SH3BGRL: variants seen among roughly 807,000 people sequenced by gnomAD.
The protein encoded by SH3BGRL is adapter SH3BGRL.
Under a neutral mutation model 9.8 loss-of-function variants are expected in SH3BGRL, and 7 were observed. That is an observed-to-expected ratio of 0.72 (90% CI 0.41 to 1.35). The LOEUF (loss-of-function observed/expected upper bound fraction) is 1.35, where lower values mean the gene tolerates loss of function less well. SH3BGRL is among the 40% of genes most tolerant of loss of function. The pLI is 0.01. For missense variants in SH3BGRL, 73 were observed against 84.4 expected (o/e 0.86, Z 0.53); for synonymous variants, 36 against 29.1 (o/e 1.24, Z -0.76).
intron 1 of SH3BGRL, chrX:81,202,558 C>A (rs1236604793): frequency 2.4e-6 from 2 of 845,755 alleles, no homozygotes; most frequent in Non-Finnish European, 2.9e-6. Flanking sequence ...TACGTGAAGT[C>A]AAGTAAAATC....
intron 1 of SH3BGRL, among the ~76,000 whole-genome samples, chrX:81,257,243 C>G (rs757885708): frequency 1.7e-4 from 19 of 111,848 alleles, no homozygotes; most frequent in Non-Finnish European, 3.4e-4. Context: ...TATTATGACT[C>G]TCAACTAATA....
intron 1 of SH3BGRL, among the ~76,000 whole-genome samples, chrX:81,250,402 G>A (rs1393775675): frequency 1.1e-4 from 4 of 37,791 alleles, no homozygotes; most frequent in Non-Finnish European, 2.6e-4. Flanking sequence ...GCGAGACTCC[G>A]TCTCAAAAAA....
intron 1 of SH3BGRL, among the ~76,000 whole-genome samples, chrX:81,249,642 C>T (rs1416674674): frequency 5.4e-5 from 6 of 112,015 alleles, no homozygotes; most frequent in Non-Finnish European, 1.1e-4. Flanking sequence ...TTTGTCTTCT[C>T]TTGTAGTCCC....
At position 81,230,083 on chromosome X, in the gene SH3BGRL, G is replaced by A. The variant is rs73634730; in HGVS notation, c.45+27838G>A. Among the ~76,000 whole-genome samples, 403 of 111,753 alleles carry A rather than the reference G, an allele frequency of 3.6e-3. 1 individual carries two copies. The highest frequency in any genetic ancestry group is 0.012 in the African/African-American group (369 of 30,744). On this transcript the variant is annotated intron_variant, in intron 1 of 3. Coordinates refer to ENST00000373212, the MANE Select transcript of SH3BGRL (RefSeq NM_003022.3). Reference sequence around the variant, plus strand: ...GGTCCCTTCATTTCTGTGAACCTCAGTGACCTCAACTCAAAAATGACTATA... The same window carrying A: ...GGTCCCTTCATTTCTGTGAACCTCAATGACCTCAACTCAAAAATGACTATA...
chrX:81,246,244 T>C (rs2075688273), intron 1 of SH3BGRL, among the ~76,000 whole-genome samples: 1 of 112,116 alleles, frequency 8.9e-6, no homozygotes, highest in Non-Finnish European at 1.9e-5. Flanking sequence ...TTTGTGAATA[T>C]TGTCTCACCT....
chrX:81,287,107 C>A (rs2075837397), intron 3 of SH3BGRL, among the ~76,000 whole-genome samples: 1 of 111,312 alleles, frequency 9.0e-6, no homozygotes, highest in African/African-American at 3.3e-5. Context: ...AAATAAACTT[C>A]TTTCCCTATA....
chrX:81,263,813 C>G lies in SH3BGRL; in HGVS notation c.46-13171C>G, dbSNP rs140121290. Among the ~76,000 whole-genome samples, 51 of 110,855 alleles carry G rather than the reference C, an allele frequency of 4.6e-4. No individual in the cohort carries two copies. In the East Asian group the frequency reaches 0.013, roughly 29 times the overall value. ...TAAAAAGAACAGAAAGGGTCTGATGCCTTTGCACTTTCTTGTCTGTTTTTT... is the reference window on the plus strand; with the variant it reads ...TAAAAAGAACAGAAAGGGTCTGATGGCTTTGCACTTTCTTGTCTGTTTTTT... On this transcript the variant is annotated intron_variant, in intron 1 of 3. Coordinates refer to ENST00000373212, the MANE Select transcript of SH3BGRL (RefSeq NM_003022.3).
intron 3 of SH3BGRL, among the ~76,000 whole-genome samples, chrX:81,289,157 C>T (rs2075847744): frequency 8.9e-6 from 1 of 111,987 alleles, no homozygotes; most frequent in Non-Finnish European, 1.9e-5. Context: ...ACAAAGGTGC[C>T]AAGAACATAC....
At chrX:81,279,746 C>T (rs1423085334) in intron 3 of SH3BGRL, among the ~76,000 whole-genome samples, 1 of 110,741 alleles carries the variant, frequency 9.0e-6, no homozygotes, top group East Asian at 2.9e-4. Context: ...GGGAGGGTGG[C>T]CAGAGGAGCA....
intron 1 of SH3BGRL, among the ~76,000 whole-genome samples, chrX:81,209,752 G>A (rs763398118): frequency 1.9e-4 from 21 of 112,351 alleles, no homozygotes; most frequent in African/African-American, 6.1e-4. Context: ...AGAGTGAGAT[G>A]AGAGTTGGCA....
chrX:81,247,606 A>G lies in SH3BGRL; in HGVS notation c.46-29378A>G, dbSNP rs534315285. 6.3e-5 allele frequency among the ~76,000 whole-genome samples: 7 copies of G among 111,709 alleles called. No homozygotes were observed. The South Asian group carries it at 2.6e-3, about 42-fold the overall frequency. Reference sequence around the variant, plus strand: ...TCATTCTGTTTTTGTTGTGAATCACATTTATTGATTTATATTTCTTAAATC... The same window carrying G: ...TCATTCTGTTTTTGTTGTGAATCACGTTTATTGATTTATATTTCTTAAATC... On this transcript the variant is annotated intron_variant, in intron 1 of 3. Coordinates refer to ENST00000373212, the MANE Select transcript of SH3BGRL (RefSeq NM_003022.3).
chrX:81,282,298 A>G (rs1021783619), intron 3 of SH3BGRL, among the ~76,000 whole-genome samples: 1 of 112,086 alleles, frequency 8.9e-6, no homozygotes, highest in Non-Finnish European at 1.9e-5. Flanking sequence ...ACAAAGAAAC[A>G]ATGGATTTAA....
At position 81,255,042 on chromosome X, in the gene SH3BGRL, A is replaced by C. The variant is rs755086791; in HGVS notation, c.46-21942A>C. On this transcript the variant is annotated intron_variant, in intron 1 of 3. Transcript: ENST00000373212. ...GTAGCTGGGACTACAGACGTGCGCC[A>C]CCACACCTGGCTAATTTTTGTATTT... Among the ~76,000 whole-genome samples, 4 of 110,036 alleles carry C rather than the reference A, an allele frequency of 3.6e-5. No homozygotes were observed. In the East Asian group the frequency reaches 1.2e-3, roughly 32 times the overall value.
At chrX:81,219,648 T>C (rs980969509) in intron 1 of SH3BGRL, among the ~76,000 whole-genome samples, 4 of 111,704 alleles carry the variant, frequency 3.6e-5, no homozygotes, top group Non-Finnish European at 7.6e-5. Flanking sequence ...CTAGGGCTTT[T>C]AGTAGTATGT....
chrX:81,220,865 G>A (rs1046433182), intron 1 of SH3BGRL, among the ~76,000 whole-genome samples: 4 of 109,947 alleles, frequency 3.6e-5, no homozygotes, highest in African/African-American at 9.9e-5. Context: ...TAATTTCTTC[G>A]TTGACCCACT....
intron 1 of SH3BGRL, among the ~76,000 whole-genome samples, chrX:81,219,219 A>G (rs1230725697): frequency 1.8e-5 from 2 of 110,021 alleles, no homozygotes; most frequent in Non-Finnish European, 3.8e-5. Flanking sequence ...AGGCAAAAGC[A>G]TCAGGTAACT....
intron 3 of SH3BGRL, among the ~76,000 whole-genome samples, chrX:81,282,476 A>G (rs2075820771): frequency 8.9e-6 from 1 of 112,091 alleles, no homozygotes; most frequent in African/African-American, 3.2e-5. Context: ...TATATCAAGC[A>G]CTTTCTGAGA....
At chrX:81,282,144 T>C (rs1191168752) in intron 3 of SH3BGRL, among the ~76,000 whole-genome samples, 1 of 111,698 alleles carries the variant, frequency 9.0e-6, no homozygotes, top group Non-Finnish European at 1.9e-5. Flanking sequence ...ATCTTAAACA[T>C]ATATGCACCT....
chrX:81,210,995 A>C lies in SH3BGRL; in HGVS notation c.45+8750A>C, dbSNP rs150878238. On this transcript the variant is annotated intron_variant, in intron 1 of 3. Coordinates refer to ENST00000373212, the MANE Select transcript of SH3BGRL (RefSeq NM_003022.3). ...CAATTTAAGAAAATCATTTTATTGC[A>C]ATCTAATGAAAAGTAGATAAGATGA... Among the ~76,000 whole-genome samples the C allele has an allele frequency of 6.2e-3, 699 of 112,250 alleles. 6 individuals are homozygous for C. The highest frequency in any genetic ancestry group is 0.022 in the African/African-American group (666 of 30,908).
Sources: allele counts gnomAD v4.1 joint callset (sites outside exome capture counted in the v4.1 genomes callset), GRCh38; gene constraint gnomAD v4.1.1; transcripts MANE v1.5; gene names NCBI Gene and HGNC (gene_info 2026-07-23, HGNC 2026-07-21).